The following TRPS1 variants were observed in gnomAD, a reference collection of about 807,000 sequenced individuals.
TRPS1 encodes the protein transcriptional repressor GATA binding 1, also known as zinc finger transcription factor Trps1.
TRPS1 carries 6 observed loss-of-function variants against 101.2 expected under a neutral mutation model. That is an observed-to-expected ratio of 0.06 (90% CI 0.03 to 0.12). The LOEUF (loss-of-function observed/expected upper bound fraction) is 0.12, where lower values mean the gene tolerates loss of function less well. Ranked by LOEUF, TRPS1 falls within the 10% of genes least tolerant of loss-of-function variation. TRPS1 has a pLI of 1.00. For missense variants in TRPS1, 1,363 were observed against 1,567.0 expected (o/e 0.87, Z 2.20); for synonymous variants, 578 against 589.8 (o/e 0.98, Z 0.29).
intron 5 of TRPS1, among the ~76,000 whole-genome samples, chr8:115,579,336 ATTC>A: frequency 6.6e-6 from 1 of 152,246 alleles, no homozygotes; most frequent in Admixed American, 6.5e-5. Flanking sequence ...ACAAACAGGT[ATTC>A]TTGTGTTACC....
intron 5 of TRPS1, among the ~76,000 whole-genome samples, chr8:115,480,486 G>C (rs1260699588): frequency 6.6e-5 from 10 of 151,988 alleles, no homozygotes; most frequent in Admixed American, 5.9e-4. Flanking sequence ...TGTTAATAAG[G>C]CATGAGAAAC....
chr8:115,546,562 T>A (rs529862932), intron 5 of TRPS1, among the ~76,000 whole-genome samples: 338 of 40,030 alleles, frequency 8.4e-3, no homozygotes, highest in African/African-American at 0.028. Flanking sequence ...TAAATGTAAC[T>A]CTCTGGCATG....
chr8:115,655,753 A>T (rs891908291), intron 1 of TRPS1, among the ~76,000 whole-genome samples: 17 of 152,172 alleles, frequency 1.1e-4, no homozygotes, highest in Admixed American at 7.9e-4. Flanking sequence ...TTATCTGTAC[A>T]TAGAGGCTTT....
chr8:115,501,785 C>T (rs573581612), intron 5 of TRPS1, among the ~76,000 whole-genome samples: 10 of 152,094 alleles, frequency 6.6e-5, no homozygotes, highest in Non-Finnish European at 7.3e-5. Context: ...GGTAACTTGA[C>T]CTCCTAAATT....
At chr8:115,506,816 A>C (rs1815456452) in intron 5 of TRPS1, among the ~76,000 whole-genome samples, 1 of 152,144 alleles carries the variant, frequency 6.6e-6, no homozygotes, top group Non-Finnish European at 1.5e-5. Flanking sequence ...CCATTTTAAA[A>C]TCTCACAAGT....
At chr8:115,667,832 T>C in intron 1 of TRPS1, 1 of 1,534,998 alleles carries the variant, frequency 6.5e-7, no homozygotes, top group Non-Finnish European at 8.7e-7. Flanking sequence ...CGGAGGCCCG[T>C]CTCTGAGACC....
rs564218966 is a variant in TRPS1, at chr8:115,622,639, A to G, written c.37+962T>C. The stretch of plus-strand genomic sequence containing the variant: ...TATAATCTTCCCTTACTGAATAACT[A>G]TATCATTTCTATTTTAACAGTTTCT... On this transcript the variant is annotated intron_variant, in intron 2 of 6. Coordinates refer to ENST00000395715, the MANE Select transcript of TRPS1 (RefSeq NM_014112.5). Among the ~76,000 whole-genome samples the G allele has an allele frequency of 2.6e-5, 4 of 152,308 alleles. No homozygotes were observed. The East Asian group carries it at 7.7e-4, about 29-fold the overall frequency.
At chr8:115,457,448 T>G (rs72678088) in intron 5 of TRPS1, among the ~76,000 whole-genome samples, 1 of 152,178 alleles carries the variant, frequency 6.6e-6, no homozygotes, top group Non-Finnish European at 1.5e-5. Context: ...GGTTTTCAGG[T>G]GCTGAAGGGA....
At position 115,619,880 on chromosome 8, in the gene TRPS1, T is replaced by C. The variant is rs1818354050; in HGVS notation, c.218A>G (p.His73Arg). Residue 73 changes from histidine (H) to arginine (R), a missense_variant, in exon 3 of 7, where the codon CAT (histidine) becomes CGT (arginine). This residue lies in a region of TRPS1 where 1,020 missense variants were observed against 1,073.0 expected (regional missense o/e 0.95). Coordinates refer to ENST00000395715, the MANE Select transcript of TRPS1 (RefSeq NM_014112.5). ...DAAELNHKEEHSLHVQDPSSS... is the reference protein window; with the variant it reads ...DAAELNHKEERSLHVQDPSSS... Reference sequence around the variant, plus strand: ...AGATGGATCTTGAACATGCAAGCTATGTTCCTCCTTATGATTTAGTTCTGC... The same window carrying C: ...AGATGGATCTTGAACATGCAAGCTACGTTCCTCCTTATGATTTAGTTCTGC... 3.1e-6 allele frequency: 5 copies of C among 1,614,236 alleles called. No individual in the cohort carries two copies. The highest frequency in any genetic ancestry group is 4.2e-6 in the Non-Finnish European group (5 of 1,180,040).
At chr8:115,509,381 C>A (rs1038596907) in intron 5 of TRPS1, among the ~76,000 whole-genome samples, 1 of 151,972 alleles carries the variant, frequency 6.6e-6, no homozygotes, top group Non-Finnish European at 1.5e-5. Context: ...AAATAAATAC[C>A]TGTCATTAAT....
chr8:115,524,752 A>C (rs1032760195), intron 5 of TRPS1, among the ~76,000 whole-genome samples: 5 of 152,214 alleles, frequency 3.3e-5, no homozygotes, highest in African/African-American at 9.6e-5. Flanking sequence ...ATGGCATTAA[A>C]ATGGAGCTTC....
intron 5 of TRPS1, among the ~76,000 whole-genome samples, chr8:115,579,984 T>A (rs773440139): frequency 6.6e-5 from 10 of 152,084 alleles, no homozygotes; most frequent in Admixed American, 1.3e-4. Context: ...TGTTCCAGAC[T>A]TCCTTGTATT....
At chr8:115,448,366 A>G (rs1361693702) in intron 5 of TRPS1, among the ~76,000 whole-genome samples, 2 of 152,178 alleles carry the variant, frequency 1.3e-5, no homozygotes, top group Non-Finnish European at 2.9e-5. Context: ...TGCCTTCACA[A>G]ATGTAGTTCA....
intron 5 of TRPS1, among the ~76,000 whole-genome samples, chr8:115,565,631 AAAAG>A (rs971660437): frequency 1.3e-5 from 2 of 152,080 alleles, no homozygotes; most frequent in African/African-American, 4.8e-5. Flanking sequence ...AACAGAAAAA[AAAAG>A]AAAAAAATTC....
chr8:115,416,579 TATA>T (rs1336166517), intron 6 of TRPS1, among the ~76,000 whole-genome samples: 1 of 148,784 alleles, frequency 6.7e-6, no homozygotes, highest in African/African-American at 2.4e-5. Context: ...ATAATATAAA[TATA>T]ATATAAATTT....
At chr8:115,554,193 G>A (rs1816765741) in intron 5 of TRPS1, among the ~76,000 whole-genome samples, 2 of 152,126 alleles carry the variant, frequency 1.3e-5, no homozygotes, top group South Asian at 4.1e-4. Context: ...AACAAGAGAA[G>A]AAAATCTGTG....
At chr8:115,481,323 T>G (rs906353647) in intron 5 of TRPS1, among the ~76,000 whole-genome samples, 2 of 152,098 alleles carry the variant, frequency 1.3e-5, no homozygotes, top group African/African-American at 4.8e-5. Context: ...TCAAACTGTC[T>G]CAAAACTTTT....
chr8:115,436,263 A>G (rs950577089), intron 5 of TRPS1, among the ~76,000 whole-genome samples: 4 of 152,098 alleles, frequency 2.6e-5, no homozygotes, highest in African/African-American at 9.7e-5. Flanking sequence ...ATACCCTGAG[A>G]GCACCATTTT....
intron 3 of TRPS1, among the ~76,000 whole-genome samples, chr8:115,611,378 T>C (rs549853979): frequency 5.3e-5 from 8 of 152,144 alleles, no homozygotes; most frequent in Non-Finnish European, 1.0e-4. Context: ...CCAGGGAAGG[T>C]TGCTGTTTTA....
Sources: gnomAD v4.1 joint callset for allele counts (sites outside exome capture counted in the v4.1 genomes callset) on GRCh38, gnomAD v4.1.1 for gene constraint, gnomAD v4.1.1 regional missense constraint, MANE v1.5 for transcripts, NCBI Gene and HGNC (gene_info 2026-07-23, HGNC 2026-07-21) for gene names.